THSD4: variants seen among roughly 807,000 people sequenced by gnomAD.
The protein encoded by THSD4 is thrombospondin type 1 domain containing 4.
THSD4 carries 69 observed loss-of-function variants against 119.0 expected under a neutral mutation model. The observed-to-expected ratio is 0.58, with a 90% CI of 0.48 to 0.71. THSD4 has a LOEUF of 0.71. Among genes scored for constraint, THSD4 ranks in the 30% least tolerant of loss-of-function variants. The pLI, the probability that THSD4 is intolerant of heterozygous loss-of-function variation, is 0.00. For synonymous variants in THSD4, 524 were observed against 540.4 expected (o/e 0.97, Z 0.42); for missense variants, 1,393 against 1,391.1 (o/e 1.00, Z -0.02).
chr15:71,232,561 GGAAGTACA>G (rs2044070123), intron 4 of THSD4, among the ~76,000 whole-genome samples: 1 of 152,034 alleles, frequency 6.6e-6, no homozygotes, highest in African/African-American at 2.4e-5. Flanking sequence ...ATGTTGGGCT[GGAAGTACA>G]GAAGTAGGTA....
intron 7 of THSD4, among the ~76,000 whole-genome samples, chr15:71,511,933 C>T (rs963621820): frequency 1.3e-5 from 2 of 152,022 alleles, no homozygotes; most frequent in Non-Finnish European, 2.9e-5. Context: ...ATTGGCAACC[C>T]TAGGGAGGGT....
intron 6 of THSD4, among the ~76,000 whole-genome samples, chr15:71,372,991 G>A (rs1344122921): frequency 3.9e-5 from 6 of 152,178 alleles, no homozygotes; most frequent in African/African-American, 1.2e-4. Flanking sequence ...CGCCCCTCCC[G>A]CAGGCTAGGC....
At chr15:71,448,043 A>G (rs968256244) in intron 7 of THSD4, among the ~76,000 whole-genome samples, 1 of 152,242 alleles carries the variant, frequency 6.6e-6, no homozygotes, top group Non-Finnish European at 1.5e-5. Flanking sequence ...CCCATGAGCC[A>G]GGCACAGATC....
intron 6 of THSD4, among the ~76,000 whole-genome samples, chr15:71,348,767 T>C (rs2045703266): frequency 6.6e-6 from 1 of 152,222 alleles, no homozygotes; most frequent in Non-Finnish European, 1.5e-5. Context: ...GGATGAGCTA[T>C]TTAAAAGGAA....
chr15:71,467,143 C>G, intron 7 of THSD4, among the ~76,000 whole-genome samples: 1 of 152,206 alleles, frequency 6.6e-6, no homozygotes. Flanking sequence ...CTTTGTGTCT[C>G]TCCCCAAATC....
intron 11 of THSD4, among the ~76,000 whole-genome samples, chr15:71,739,284 C>T (rs748357034): frequency 6.6e-6 from 1 of 152,078 alleles, no homozygotes; most frequent in Non-Finnish European, 1.5e-5. Context: ...TTTATTGACC[C>T]CTCACCACAA....
chr15:71,153,347 G>A (rs759999916), intron 2 of THSD4, among the ~76,000 whole-genome samples: 10 of 152,176 alleles, frequency 6.6e-5, no homozygotes, highest in Admixed American at 1.3e-4. Flanking sequence ...GCGCGCACCC[G>A]CTTTGTAGTT....
chr15:71,695,588 T>A (rs1595870613), intron 8 of THSD4, among the ~76,000 whole-genome samples: 1 of 151,922 alleles, frequency 6.6e-6, no homozygotes, highest in Non-Finnish European at 1.5e-5. Context: ...TTTTGCTGAT[T>A]GCAGAGCCAT....
At chr15:71,520,324 C>T (rs955063991) in intron 7 of THSD4, among the ~76,000 whole-genome samples, 1 of 152,160 alleles carries the variant, frequency 6.6e-6, no homozygotes, top group African/African-American at 2.4e-5. Flanking sequence ...AAAGCTTGCT[C>T]CATGATGCCA....
intron 8 of THSD4, among the ~76,000 whole-genome samples, chr15:71,671,890 T>C (rs2051538639): frequency 6.6e-6 from 1 of 152,230 alleles, no homozygotes; most frequent in Non-Finnish European, 1.5e-5. Context: ...TACTGTAGCC[T>C]TGTAGTATAG....
chr15:71,695,099 G>GGAA (rs1176818196), intron 8 of THSD4, among the ~76,000 whole-genome samples: 1 of 152,172 alleles, frequency 6.6e-6, no homozygotes, highest in Non-Finnish European at 1.5e-5. Context: ...TATTACAAGG[G>GGAA]GAAGAACTAG....
intron 12 of THSD4, 97 bp from the exon 13 acceptor site, chr15:71,746,741 T>C (rs1442120975): frequency 5.5e-6 from 7 of 1,279,632 alleles, no homozygotes; most frequent in Admixed American, 1.7e-5. Context: ...CTACCCATAG[T>C]GATTCTGATG....
At chr15:71,114,741 T>C (rs930841034), upstream of THSD4, among the ~76,000 whole-genome samples, 8 of 152,212 alleles carry the variant, frequency 5.3e-5, no homozygotes, top group African/African-American at 1.9e-4. Context: ...GAATTATTAT[T>C]TTTTTGCAGC....
chr15:71,281,546 GA>G lies in THSD4; in HGVS notation c.1015+24833del, dbSNP rs373418542. Among the ~76,000 whole-genome samples, 43 of 152,264 alleles carry G rather than the reference GA, an allele frequency of 2.8e-4. No individual in the cohort carries two copies. In the South Asian group the frequency reaches 8.9e-3, roughly 32 times the overall value. On this transcript the variant is annotated intron_variant, in intron 6 of 17. Transcript: ENST00000261862. ...AAATTTACAAAACAGATAAATTATT[GA>G]ATGACTATTCAGGTTGCAAAACGAT...
chr15:71,716,541 GTT>G (rs544066440), intron 8 of THSD4, among the ~76,000 whole-genome samples: 623 of 5,808 alleles, frequency 0.11, 1 homozygote, highest in Middle Eastern at 0.5. Context: ...GCACTTTCCT[GTT>G]TGTTTTATAG....
At chr15:71,531,033 C>T (rs1200197362) in intron 7 of THSD4, among the ~76,000 whole-genome samples, 3 of 151,890 alleles carry the variant, frequency 2.0e-5, no homozygotes, top group Non-Finnish European at 4.4e-5. Context: ...CTATCAGAGA[C>T]CTGAAGGAGT....
chr15:71,436,305 A>G (rs1167874702), intron 7 of THSD4, among the ~76,000 whole-genome samples: 1 of 152,222 alleles, frequency 6.6e-6, no homozygotes, highest in East Asian at 1.9e-4. Context: ...GAAGGAAAAA[A>G]CAAAGACTAT....
At chr15:71,448,358 G>A (rs909250682) in intron 7 of THSD4, among the ~76,000 whole-genome samples, 2 of 152,138 alleles carry the variant, frequency 1.3e-5, no homozygotes, top group Admixed American at 1.3e-4. Context: ...GAAACAACCG[G>A]TCCTTATCTC....
intron 3 of THSD4, among the ~76,000 whole-genome samples, chr15:71,199,216 T>C (rs1375856228): frequency 6.6e-6 from 1 of 152,186 alleles, no homozygotes; most frequent in Non-Finnish European, 1.5e-5. Context: ...TTGCTCCCTA[T>C]GATTTTGTGC....
Sources: gnomAD v4.1 joint callset for allele counts (sites outside exome capture counted in the v4.1 genomes callset) on GRCh38, gnomAD v4.1.1 for gene constraint, MANE v1.5 for transcripts, NCBI Gene and HGNC (gene_info 2026-07-23, HGNC 2026-07-21) for gene names.